The following EFCAB11 variants were observed in gnomAD, a reference collection of about 807,000 sequenced individuals.
EFCAB11 encodes EF-hand calcium binding domain 11, also known as EF-hand calcium-binding domain-containing protein 11.
EFCAB11 carries 14 observed loss-of-function variants against 23.0 expected under a neutral mutation model. The ratio of observed to expected loss-of-function variants is 0.61; its 90% CI spans 0.40 to 0.95. EFCAB11 has a LOEUF of 0.95. Ranked by LOEUF, EFCAB11 falls within the 40% of genes least tolerant of loss-of-function variation. The pLI, the probability that EFCAB11 is intolerant of heterozygous loss-of-function variation, is 0.00. For synonymous variants in EFCAB11, 65 were observed against 66.6 expected (o/e 0.98, Z 0.11); for missense variants, 198 against 195.8 (o/e 1.01, Z -0.07).
intron 5 of EFCAB11, among the ~76,000 whole-genome samples, chr14:89,839,535 T>C (rs1424822133): frequency 6.6e-6 from 1 of 152,020 alleles, no homozygotes; most frequent in African/African-American, 2.4e-5. Flanking sequence ...CTCTTTGGGG[T>C]CATGATGGGA....
At chr14:89,852,484 G>C (rs985118790) in intron 5 of EFCAB11, among the ~76,000 whole-genome samples, 2 of 152,174 alleles carry the variant, frequency 1.3e-5, no homozygotes. Flanking sequence ...TCCAAGGTCT[G>C]ATCAACACAG....
chr14:89,912,318 T>C (rs545788101), intron 5 of EFCAB11, among the ~76,000 whole-genome samples: 2 of 152,200 alleles, frequency 1.3e-5, no homozygotes, highest in African/African-American at 4.8e-5. Flanking sequence ...ATCCAGCAAA[T>C]ATCTAGGTTG....
intron 5 of EFCAB11, chr14:89,830,018 T>C (rs1265328659): frequency 6.6e-6 from 1 of 152,162 alleles, no homozygotes; most frequent in Non-Finnish European, 1.5e-5. Context: ...TTAAAATGAA[T>C]AAACTGAGCT....
At position 89,912,125 on chromosome 14, in the gene EFCAB11, A is replaced by T. The variant is rs555627626; in HGVS notation, c.410+19416T>A. ...CAAAAGAAGGCAGTGGCTAATCAAC[A>T]AGCATTTATTCATTGTTGGTATGCT... is the stretch of plus-strand genomic sequence containing the variant. On this transcript the variant is annotated intron_variant, in intron 5 of 5. Transcript: ENST00000316738. Among the ~76,000 whole-genome samples, 4 of 152,324 alleles carry T rather than the reference A, an allele frequency of 2.6e-5. No homozygotes were observed. In the South Asian group the frequency reaches 8.3e-4, roughly 32 times the overall value.
At position 89,865,547 on chromosome 14, in the gene EFCAB11, G is replaced by A. The variant is rs549883789; in HGVS notation, c.410+65994C>T. Among the ~76,000 whole-genome samples, 374 of 152,210 alleles carry A rather than the reference G, an allele frequency of 2.5e-3. 1 individual carries two copies. The highest frequency in any genetic ancestry group is 8.5e-3 in the African/African-American group (355 of 41,538). ...TTTTGAGATTGGGTCCAATGCCCAG[G>A]CTGGAGTGCAGTGAAACAATCACGG... On this transcript the variant is annotated intron_variant, in intron 5 of 5. Coordinates refer to ENST00000316738, the MANE Select transcript of EFCAB11 (RefSeq NM_145231.4).
chr14:89,830,907 A>C (rs1886862502), intron 5 of EFCAB11: 1 of 152,222 alleles, frequency 6.6e-6, no homozygotes, highest in Admixed American at 6.5e-5. Flanking sequence ...GGTCACAAAC[A>C]TACATCACAG....
In EFCAB11 at chr14:89,952,515, C is replaced by T. The variant is rs146657209; in HGVS notation, c.171+1391G>A. On this transcript the variant is annotated intron_variant, in intron 2 of 5. Coordinates refer to ENST00000316738, the MANE Select transcript of EFCAB11 (RefSeq NM_145231.4). The stretch of plus-strand genomic sequence containing the variant: ...GAGCTGCCATTTCTAAGAGTCAGCC[C>T]TGACTACTTCTCTGAGCTCCATAAT... The T allele has an allele frequency of 3.4e-4, 337 of 985,432 alleles. 2 individuals are homozygous for T. In the African/African-American group the frequency reaches 5.6e-3, roughly 16 times the overall value. 61.0% of individuals were successfully genotyped at this position (985,432 alleles called of 1,614,324 possible). A position where few individuals can be genotyped will look rare whatever the true frequency, so the allele number is the denominator to read the frequency against.
intron 5 of EFCAB11, among the ~76,000 whole-genome samples, chr14:89,804,458 G>C (rs1885898266): frequency 6.6e-6 from 1 of 152,242 alleles, no homozygotes; most frequent in African/African-American, 2.4e-5. Context: ...TGGCTCATCA[G>C]AGGTTCTGGT....
intron 5 of EFCAB11, among the ~76,000 whole-genome samples, chr14:89,869,175 C>A (rs747096532): frequency 1.3e-5 from 2 of 152,122 alleles, no homozygotes; most frequent in Non-Finnish European, 2.9e-5. Context: ...TGCAGTCCAG[C>A]CTGGGTGACA....
intron 5 of EFCAB11, among the ~76,000 whole-genome samples, chr14:89,860,794 C>G (rs1373298872): frequency 6.6e-6 from 1 of 152,182 alleles, no homozygotes; most frequent in African/African-American, 2.4e-5. Flanking sequence ...CATTTTAAAT[C>G]TCCAGGTATT....
intron 5 of EFCAB11, among the ~76,000 whole-genome samples, chr14:89,799,690 T>G (rs1885705163): frequency 1.3e-5 from 2 of 150,788 alleles, no homozygotes; most frequent in South Asian, 4.2e-4. Context: ...GAAAGAAACT[T>G]TAGGAGGGCA....
At chr14:89,832,914 C>A (rs1228094239) in intron 5 of EFCAB11, among the ~76,000 whole-genome samples, 1 of 152,188 alleles carries the variant, frequency 6.6e-6, no homozygotes, top group Admixed American at 6.5e-5. Context: ...CTGCCTTATA[C>A]TGTCTTGGTG....
chr14:89,932,692 CA>C, intron 3 of EFCAB11, 65 bp from the exon 4 acceptor site: 1 of 1,193,312 alleles, frequency 8.4e-7, no homozygotes, highest in East Asian at 2.4e-5. Context: ...AAAAATTAAA[CA>C]GAAATGGACA....
intron 5 of EFCAB11, among the ~76,000 whole-genome samples, chr14:89,857,483 C>T (rs1366303221): frequency 6.6e-6 from 1 of 151,324 alleles, no homozygotes; most frequent in African/African-American, 2.4e-5. Context: ...TTTTTTAACA[C>T]CCTATAGCTG....
intron 5 of EFCAB11, among the ~76,000 whole-genome samples, chr14:89,911,629 CCA>C (rs1454385578): frequency 1.3e-5 from 2 of 152,228 alleles, no homozygotes; most frequent in African/African-American, 4.8e-5. Context: ...ATCCTAGTAT[CCA>C]CAGTCTTGAG....
chr14:89,954,235 C>T (rs1394006377), intron 1 of EFCAB11: 1 of 1,174,856 alleles, frequency 8.5e-7, no homozygotes, highest in Non-Finnish European at 1.2e-6. Context: ...CGCTAGGTGA[C>T]GCAAATTAAT....
At chr14:89,849,811 C>T (rs1374147368) in intron 5 of EFCAB11, among the ~76,000 whole-genome samples, 1 of 151,966 alleles carries the variant, frequency 6.6e-6, no homozygotes, top group Non-Finnish European at 1.5e-5. Context: ...AATGAAGAAA[C>T]CAGATACCCA....
intron 2 of EFCAB11, among the ~76,000 whole-genome samples, chr14:89,951,139 A>G (rs1219705146): frequency 1.3e-5 from 2 of 152,206 alleles, no homozygotes; most frequent in East Asian, 3.8e-4. Context: ...TAGCCAGCAT[A>G]TTATTTAACG....
intron 2 of EFCAB11, among the ~76,000 whole-genome samples, chr14:89,951,105 G>A (rs954320800): frequency 1.3e-5 from 2 of 151,464 alleles, no homozygotes; most frequent in Non-Finnish European, 3.0e-5. Flanking sequence ...ATCTAACGGT[G>A]GATTTTCACC....
Sources: allele counts gnomAD v4.1 joint callset (sites outside exome capture counted in the v4.1 genomes callset), GRCh38; gene constraint gnomAD v4.1.1; transcripts MANE v1.5; gene names NCBI Gene and HGNC (gene_info 2026-07-23, HGNC 2026-07-21).